VSIG10: variants seen among roughly 807,000 people sequenced by gnomAD.
The protein encoded by VSIG10 is V-set and immunoglobulin domain containing 10.
In VSIG10, 48 loss-of-function variants were observed where a neutral mutation model predicts 58.7. The observed-to-expected ratio is 0.82, with a 90% CI of 0.65 to 1.04. VSIG10 has a LOEUF of 1.04. Among genes scored for constraint, VSIG10 ranks in the 50% least tolerant of loss-of-function variants. VSIG10 has a pLI of 0.00. For synonymous variants in VSIG10, 260 were observed against 267.1 expected (o/e 0.97, Z 0.26); for missense variants, 628 against 670.0 (o/e 0.94, Z 0.69).
chr12:118,067,306 G>GA (rs1311814977), intron 8 of VSIG10, among the ~76,000 whole-genome samples: 1 of 152,078 alleles, frequency 6.6e-6, no homozygotes, highest in East Asian at 1.9e-4. Flanking sequence ...TTACAGGCAT[G>GA]AGCAACCGTG....
intron 1 of VSIG10, 86 bp from the exon 2 acceptor site, chr12:118,095,900 T>C (rs2033437206): frequency 2.1e-6 from 3 of 1,433,488 alleles, no homozygotes; most frequent in Non-Finnish European, 2.8e-6. Context: ...TATTAGGATT[T>C]TTTTAAAAAT....
rs995930383 is a variant in VSIG10, at chr12:118,103,808, C to G, written c.-137G>C. The G allele has an allele frequency of 1.1e-4, 94 of 824,380 alleles. No homozygotes were observed. The highest frequency in any genetic ancestry group is 2.8e-5 in the Non-Finnish European group (16 of 579,454). 51.1% of individuals were successfully genotyped at this position (824,380 alleles called of 1,614,324 possible). On this transcript the variant is annotated 5_prime_UTR_variant, in exon 1 of 9. Coordinates refer to ENST00000359236, the MANE Select transcript of VSIG10 (RefSeq NM_019086.6). ...CAGAGTGGCCCCACTTCCTCGGCCC[C>G]CAGGAAGGATGCTTGGCTGAGCCGA...
intron 2 of VSIG10, among the ~76,000 whole-genome samples, chr12:118,089,493 C>A (rs1361414012): frequency 2.6e-5 from 4 of 152,184 alleles, no homozygotes; most frequent in African/African-American, 9.6e-5. Flanking sequence ...ATGAGATGGA[C>A]AGGAAGCGAT....
chr12:118,075,482 A>G (rs1475273917), intron 4 of VSIG10, among the ~76,000 whole-genome samples: 2 of 151,994 alleles, frequency 1.3e-5, no homozygotes, highest in South Asian at 2.1e-4. Context: ...CAGCCTCCCA[A>G]GTAGCTGGGA....
At chr12:118,071,233 TC>T in intron 6 of VSIG10, 125 bp downstream of exon 6, 1 of 1,207,990 alleles carries the variant, frequency 8.3e-7, no homozygotes, top group Non-Finnish European at 1.2e-6. Flanking sequence ...TTACTGTGTA[TC>T]TTGACCCAGC....
chr12:118,101,477 G>C (rs1310538729), intron 1 of VSIG10: 2 of 152,134 alleles, frequency 1.3e-5, no homozygotes, highest in African/African-American at 4.8e-5. Flanking sequence ...AACAAGTTTA[G>C]AAGTCATTCA....
At chr12:118,074,482 T>G (rs1354409363) in intron 4 of VSIG10, among the ~76,000 whole-genome samples, 1 of 141,840 alleles carries the variant, frequency 7.1e-6, no homozygotes, top group Non-Finnish European at 1.5e-5. Context: ...AAATGAACAA[T>G]TTTTTTTTTT....
At chr12:118,080,299 C>T (rs1266735985) in intron 3 of VSIG10, among the ~76,000 whole-genome samples, 1 of 151,676 alleles carries the variant, frequency 6.6e-6, no homozygotes, top group Non-Finnish European at 1.5e-5. Flanking sequence ...CGCGCCCAGC[C>T]TCACTTTTGC....
chr12:118,102,621 G>A (rs1232632259), intron 1 of VSIG10: 1 of 152,010 alleles, frequency 6.6e-6, no homozygotes, highest in African/African-American at 2.4e-5. Context: ...AAAATTGTAT[G>A]AGCCTAATAA....
At chr12:118,103,323 A>C in intron 1 of VSIG10, 2 of 352,280 alleles carry the variant, frequency 5.7e-6, no homozygotes, top group Non-Finnish European at 1.0e-5. Flanking sequence ...TTGCCCCCGC[A>C]CGTCGGCTCG....
intron 1 of VSIG10, among the ~76,000 whole-genome samples, chr12:118,098,421 C>G (rs1391130580): frequency 6.6e-6 from 1 of 151,950 alleles, no homozygotes; most frequent in Non-Finnish European, 1.5e-5. Context: ...CTCAAATGGC[C>G]CTAGAGTTCA....
chr12:118,075,386 C>T (rs1037280974), intron 4 of VSIG10, among the ~76,000 whole-genome samples: 1 of 151,920 alleles, frequency 6.6e-6, no homozygotes, highest in African/African-American at 2.4e-5. Context: ...GACAAGGTCT[C>T]GCTCTGTCAC....
At position 118,095,730 on chromosome 12, in the gene VSIG10, G is replaced by T; in HGVS notation, c.164C>A (p.Thr55Asn). Residue 55 changes from threonine (T) to asparagine (N), a missense_variant, in exon 2 of 9, where the codon ACC becomes AAC. By Grantham distance (65) the Thr-to-Asn change is moderately conservative. Coordinates refer to ENST00000359236, the MANE Select transcript of VSIG10 (RefSeq NM_019086.6). ...AGGCTCCGAGTTGTTCCGGTACCAG[G>T]TCACCTGGCCCCTCAGTCCCGAGAT... ...GNISGLRGQVTWYRNNSEPVF... is the reference protein window; with the variant it reads ...GNISGLRGQVNWYRNNSEPVF... 6.2e-7 allele frequency: 1 copy of T among 1,613,838 alleles called. No individual in the cohort carries two copies. Among genetic ancestry groups the T allele is most frequent in the African/African-American group, 1.3e-5 (1 of 75,040 alleles).
At chr12:118,091,267 C>T (rs545337454) in intron 2 of VSIG10, among the ~76,000 whole-genome samples, 6 of 152,164 alleles carry the variant, frequency 3.9e-5, no homozygotes, top group African/African-American at 1.4e-4. Flanking sequence ...TCGAGGCAGG[C>T]GGATCACGAG....
chr12:118,101,019 T>G (rs1320550455), intron 1 of VSIG10, among the ~76,000 whole-genome samples: 1 of 152,222 alleles, frequency 6.6e-6, no homozygotes, highest in African/African-American at 2.4e-5. Context: ...GTGGTGAAAC[T>G]TTAGTCTTGG....
At chr12:118,068,639 T>C in intron 7 of VSIG10, 42 bp from the exon 8 acceptor site, 1 of 1,490,726 alleles carries the variant, frequency 6.7e-7, no homozygotes. Flanking sequence ...GATTTCTTAT[T>C]TTTCCCAACT....
chr12:118,097,739 T>C lies in VSIG10; in HGVS notation c.80-1925A>G, dbSNP rs1414062441. Among the ~76,000 whole-genome samples, 5 of 152,090 alleles carry C rather than the reference T, an allele frequency of 3.3e-5. No homozygotes were observed. In the East Asian group the frequency reaches 9.7e-4, roughly 29 times the overall value. On this transcript the variant is annotated intron_variant, in intron 1 of 8. Coordinates refer to ENST00000359236, the MANE Select transcript of VSIG10 (RefSeq NM_019086.6). The stretch of plus-strand genomic sequence containing the variant: ...GAGTTCGAGACTAGCCTGGCCAACA[T>C]GGTGAAACCCCGTCTCTACTAAAAA...
chr12:118,066,245 C>CAA lies in VSIG10; in HGVS notation c.*392_*393dup, dbSNP rs35019751. On this transcript the variant is annotated 3_prime_UTR_variant, in exon 9 of 9. Transcript: ENST00000359236. ...TGGGCAATAGAGGGAGACTCCGTCTCAAAAAAAAAAAAAAAAAAAAAAAAA... is the reference window on the plus strand; with the variant it reads ...TGGGCAATAGAGGGAGACTCCGTCTCAAAAAAAAAAAAAAAAAAAAAAAAAAA... 1,714 of 40,172 alleles carry CAA rather than the reference C, an allele frequency of 0.043. 335 individuals carry two copies. Among genetic ancestry groups the CAA allele is most frequent in the African/African-American group, 0.063 (471 of 7,436 alleles). 2.5% of individuals were successfully genotyped at this position (40,172 alleles called of 1,614,324 possible).
In VSIG10 at chr12:118,096,722, T is replaced by C. The variant is rs183304153; in HGVS notation, c.80-908A>G. ...AGGCATGAGCCACCGTGCCTGACCA[T>C]ATGTGTTCTTAAGATGCAATAACAC... On this transcript the variant is annotated intron_variant, in intron 1 of 8. Transcript: ENST00000359236. 6.9e-5 allele frequency among the ~76,000 whole-genome samples: 10 copies of C among 144,232 alleles called. No individual in the cohort carries two copies. The South Asian group carries it at 2.1e-3, about 30-fold the overall frequency. 94.6% of individuals were successfully genotyped at this position (144,232 alleles called of 152,430 possible).
Sources: allele counts gnomAD v4.1 joint callset (sites outside exome capture counted in the v4.1 genomes callset), GRCh38; gene constraint gnomAD v4.1.1; transcripts MANE v1.5; gene names NCBI Gene and HGNC (gene_info 2026-07-23, HGNC 2026-07-21).